The following ATP9B variants were observed in gnomAD, a reference collection of about 807,000 sequenced individuals.
ATP9B encodes the protein probable phospholipid-transporting ATPase IIB.
A neutral mutation model predicts 146.1 loss-of-function variants in ATP9B; 110 were observed. That is an observed-to-expected ratio of 0.75 (90% confidence interval 0.65 to 0.88). ATP9B has a LOEUF of 0.88. Ranked by LOEUF, ATP9B falls within the 40% of genes least tolerant of loss-of-function variation. ATP9B has a pLI of 0.00. For synonymous variants in ATP9B, 604 were observed against 569.7 expected (o/e 1.06, Z -0.86); for missense variants, 1,499 against 1,496.4 (o/e 1.00, Z -0.03).
Position 79,335,195 on chromosome 18 carries a change from C to T in ATP9B, c.2029-1433C>T, listed in dbSNP as rs543348936. On this transcript the variant is annotated intron_variant, in intron 17 of 29. Transcript: ENST00000426216. ...TGTAGCTATTAACTATGAGCAGGCT[C>T]GTTCAAGCCTTTTAAAACCTGACCC... Among the ~76,000 whole-genome samples the T allele has an allele frequency of 3.9e-5, 6 of 152,332 alleles. No individual in the cohort carries two copies. The South Asian group carries it at 8.3e-4, about 21-fold the overall frequency.
intron 17 of ATP9B, among the ~76,000 whole-genome samples, chr18:79,330,642 T>G (rs1014191041): frequency 3.9e-5 from 6 of 152,224 alleles, no homozygotes; most frequent in Non-Finnish European, 7.3e-5. Flanking sequence ...CTCTATCTCC[T>G]GACCTCGTGA....
intron 15 of ATP9B, among the ~76,000 whole-genome samples, chr18:79,325,073 T>C (rs948398904): frequency 1.3e-5 from 2 of 152,186 alleles, no homozygotes; most frequent in African/African-American, 2.4e-5. Context: ...CCACAACCCC[T>C]GAGCCCCTCT....
chr18:79,320,049 A>G (rs2096706628), intron 15 of ATP9B, among the ~76,000 whole-genome samples: 1 of 152,250 alleles, frequency 6.6e-6, no homozygotes, highest in South Asian at 2.1e-4. Flanking sequence ...GAGAGTCCTG[A>G]CACGGAGTGC....
intron 8 of ATP9B, among the ~76,000 whole-genome samples, chr18:79,180,297 A>G (rs947787197): frequency 7.9e-5 from 12 of 151,798 alleles, no homozygotes; most frequent in Non-Finnish European, 1.6e-4. Context: ...TACTTATCCC[A>G]TTTGTTTCTT....
intron 13 of ATP9B, among the ~76,000 whole-genome samples, chr18:79,285,340 G>A (rs921285876): frequency 1.2e-4 from 18 of 152,156 alleles, no homozygotes; most frequent in African/African-American, 4.3e-4. Context: ...GTATCTCATT[G>A]TGGTTTTGAT....
intron 9 of ATP9B, among the ~76,000 whole-genome samples, chr18:79,204,349 A>G (rs559789199): frequency 4.6e-5 from 7 of 152,332 alleles, no homozygotes; most frequent in South Asian, 2.1e-4. Flanking sequence ...GTATGAAACT[A>G]TATAAAAAAT....
At chr18:79,110,271 A>G in intron 2 of ATP9B, 84 bp from the exon 3 acceptor site, 2 of 1,313,896 alleles carry the variant, frequency 1.5e-6, no homozygotes, top group Non-Finnish European at 2.0e-6. Flanking sequence ...AACAATCAAT[A>G]TTGACTCTAA....
rs1042805776 is a variant in ATP9B at position 79,244,227 on chromosome 18, G to C, written c.1108-9154G>C. Among the ~76,000 whole-genome samples, 4 of 152,088 alleles carry C rather than the reference G, an allele frequency of 2.6e-5. No homozygotes were observed. In the Middle Eastern group the frequency reaches 0.01, roughly 388 times the overall value. ...GCTCCATGGAAGGAGGGCTAGGCTGGTGCCTGTCTGCTGGGCCACCCCCCT... is the reference window on the plus strand; with the variant it reads ...GCTCCATGGAAGGAGGGCTAGGCTGCTGCCTGTCTGCTGGGCCACCCCCCT... On this transcript the variant is annotated intron_variant, in intron 11 of 29. Coordinates refer to ENST00000426216, the MANE Select transcript of ATP9B (RefSeq NM_198531.5).
intron 12 of ATP9B, among the ~76,000 whole-genome samples, chr18:79,256,372 A>G (rs2096081530): frequency 6.7e-6 from 1 of 149,582 alleles, no homozygotes; most frequent in African/African-American, 2.5e-5. Context: ...TCTTATAAAC[A>G]GCATTAGCTA....
intron 13 of ATP9B, among the ~76,000 whole-genome samples, chr18:79,293,705 A>G (rs1277654273): frequency 6.6e-6 from 1 of 152,212 alleles, no homozygotes; most frequent in Non-Finnish European, 1.5e-5. Context: ...ATGGACTAAG[A>G]CAGTTCTCCA....
Position 79,136,597 on chromosome 18 carries a change from G to A in ATP9B, c.668-7205G>A, listed in dbSNP as rs532777531. Reference sequence around the variant, plus strand: ...TTATACCTGTATTAGACTGTTTGAGGTAGTGACACATTCATTGATGTTTTT... The same window carrying A: ...TTATACCTGTATTAGACTGTTTGAGATAGTGACACATTCATTGATGTTTTT... On this transcript the variant is annotated intron_variant, in intron 5 of 29. Transcript: ENST00000426216. Among the ~76,000 whole-genome samples the A allele has an allele frequency of 1.3e-4, 20 of 152,224 alleles. No homozygotes were observed. The South Asian group carries it at 4.2e-3, about 32-fold the overall frequency.
chr18:79,161,476 A>G (rs561589378), intron 7 of ATP9B, among the ~76,000 whole-genome samples: 3 of 152,240 alleles, frequency 2.0e-5, no homozygotes, highest in East Asian at 1.9e-4. Flanking sequence ...GTTTTAATCT[A>G]TGCTTCTATT....
intron 5 of ATP9B, among the ~76,000 whole-genome samples, chr18:79,127,115 A>G (rs1024023851): frequency 6.6e-6 from 1 of 152,202 alleles, no homozygotes; most frequent in Non-Finnish European, 1.5e-5. Context: ...GTATGTATAT[A>G]AGAGGACATT....
intron 1 of ATP9B, among the ~76,000 whole-genome samples, chr18:79,071,149 C>T (rs1389332041): frequency 1.4e-5 from 2 of 145,892 alleles, no homozygotes; most frequent in Non-Finnish European, 3.0e-5. Context: ...TTTTACAGTG[C>T]TTGCTCTGGG....
intron 6 of ATP9B, among the ~76,000 whole-genome samples, chr18:79,148,409 A>T (rs1268125983): frequency 6.6e-6 from 1 of 152,214 alleles, no homozygotes; most frequent in Non-Finnish European, 1.5e-5. Flanking sequence ...ATCACAACCC[A>T]GTACAGGTTA....
At chr18:79,218,990 A>G (rs919263020) in intron 11 of ATP9B, among the ~76,000 whole-genome samples, 1 of 152,212 alleles carries the variant, frequency 6.6e-6, no homozygotes, top group Admixed American at 6.5e-5. Flanking sequence ...ACCCGGAAGA[A>G]TACCAATATT....
chr18:79,233,089 C>T (rs1221064282), intron 11 of ATP9B, among the ~76,000 whole-genome samples: 1 of 152,082 alleles, frequency 6.6e-6, no homozygotes, highest in East Asian at 1.9e-4. Context: ...CCCACGAGAT[C>T]AAGACCAGCC....
In ATP9B at chr18:79,224,930, G is replaced by A. The variant is rs139973488; in HGVS notation, c.1107+10892G>A. 2.4e-3 allele frequency among the ~76,000 whole-genome samples: 368 copies of A among 152,288 alleles called. 2 individuals carry two copies. Among genetic ancestry groups the A allele is most frequent in the South Asian group, 6.4e-3 (31 of 4,828 alleles). ...AGCCTTCCCACTGGGAGAAAAGGGC[G>A]ACCTGTCTCCAGCAGCTCCCAGGAA... On this transcript the variant is annotated intron_variant, in intron 11 of 29. Coordinates refer to ENST00000426216, the MANE Select transcript of ATP9B (RefSeq NM_198531.5).
chr18:79,230,212 C>T (rs935152600), intron 11 of ATP9B, among the ~76,000 whole-genome samples: 42 of 152,256 alleles, frequency 2.8e-4, no homozygotes, highest in African/African-American at 9.1e-4. Flanking sequence ...GAAGTCCTAG[C>T]CACAGCAATC....
Sources: allele counts gnomAD v4.1 joint callset (sites outside exome capture counted in the v4.1 genomes callset), GRCh38; gene constraint gnomAD v4.1.1; transcripts MANE v1.5; gene names NCBI Gene and HGNC (gene_info 2026-07-23, HGNC 2026-07-21).